TMEM170B: variants seen among roughly 807,000 people sequenced by gnomAD.
TMEM170B encodes transmembrane protein 170B.
In TMEM170B, 6 loss-of-function variants were observed where a neutral mutation model predicts 13.0. That is an observed-to-expected ratio of 0.46 (90% CI 0.25 to 0.91). TMEM170B has a LOEUF of 0.91. Ranked by LOEUF, TMEM170B falls within the 40% of genes least tolerant of loss-of-function variation. TMEM170B has a pLI of 0.17. For synonymous variants in TMEM170B, 61 were observed against 64.9 expected, an observed-to-expected ratio of 0.94 and a Z score of 0.29; for missense variants, 138 against 165.2, an observed-to-expected ratio of 0.84 and a Z score of 0.90.
intron 2 of TMEM170B, among the ~76,000 whole-genome samples, chr6:11,573,048 A>T (rs1249861428): frequency 6.6e-6 from 1 of 152,208 alleles, no homozygotes; most frequent in East Asian, 1.9e-4. Flanking sequence ...GTGTGTGTTT[A>T]TGCATGTATA....
At chr6:11,546,668 T>TA (rs1759445402) in intron 1 of TMEM170B, among the ~76,000 whole-genome samples, 1 of 152,240 alleles carries the variant, frequency 6.6e-6, no homozygotes, top group Admixed American at 6.5e-5. Context: ...CCCATTGTGT[T>TA]ACAATTGCCT....
In TMEM170B at chr6:11,575,873, T is replaced by C; in HGVS notation, c.*312T>C. ...GTTGAAATCATCGTTCCTAACAGTG[T>C]TATGTTAAGTTACAGGGACGTTTTG... is the stretch of plus-strand genomic sequence containing the variant. On this transcript the variant is annotated 3_prime_UTR_variant, in exon 3 of 3. Coordinates refer to ENST00000379426, the MANE Select transcript of TMEM170B (RefSeq NM_001100829.3). This position sits in a 1 kb window ranked among gnomAD's most constrained non-coding sequence, Gnocchi z 4.1. 5.1e-6 allele frequency: 1 copy of C among 196,638 alleles called. No homozygotes were observed. Among genetic ancestry groups the C allele is most frequent in the East Asian group, 1.2e-4 (1 of 8,082 alleles). The allele number at this position is 196,638 out of a possible 1,614,324, so 12.2% of individuals were successfully genotyped here. A position where few individuals can be genotyped will look rare whatever the true frequency, so the allele number is the denominator to read the frequency against.
At position 11,565,782 on chromosome 6, in the gene TMEM170B, G is replaced by T; in HGVS notation, c.214G>T (p.Val72Phe). 1 of 1,614,146 alleles carries T rather than the reference G, an allele frequency of 6.2e-7. No homozygotes were observed. The highest frequency in any genetic ancestry group is 8.5e-7 in the Non-Finnish European group (1 of 1,180,012). Reference protein sequence around the residue: ...QRHRQGRVISVIAVSIGFLAS... With the variant: ...QRHRQGRVISFIAVSIGFLAS... The stretch of plus-strand genomic sequence containing the variant: ...GCATAGGCAGGGAAGAGTCATCTCT[G>T]TCATTGCAGTCAGCATTGGATTTCT... Residue 72 changes from valine to phenylalanine, a missense_variant, in exon 2 of 3, where the codon GTC (valine) becomes TTC (phenylalanine). Val to Phe is a conservative substitution (Grantham distance 50, BLOSUM62 -1). Coordinates refer to ENST00000379426, the MANE Select transcript of TMEM170B (RefSeq NM_001100829.3).
In TMEM170B at chr6:11,537,965, G is replaced by T. The variant is rs1230472120; in HGVS notation, c.-313G>T. On this transcript the variant is annotated 5_prime_UTR_variant, in exon 1 of 3. Coordinates refer to ENST00000379426, the MANE Select transcript of TMEM170B (RefSeq NM_001100829.3). The stretch of plus-strand genomic sequence containing the variant: ...GGCGCTGCCCCTGAGAGGGAGCGGC[G>T]GCGGCCTCCTCCGCCCCGAGTCCTC... 6.6e-6 allele frequency among the ~76,000 whole-genome samples: 1 copy of T among 151,402 alleles called. No homozygotes were observed. Among genetic ancestry groups the T allele is most frequent in the Non-Finnish European group, 1.5e-5 (1 of 67,728 alleles).
intron 1 of TMEM170B, among the ~76,000 whole-genome samples, chr6:11,562,173 A>G (rs937270860): frequency 6.6e-6 from 1 of 152,020 alleles, no homozygotes; most frequent in Non-Finnish European, 1.5e-5. Flanking sequence ...ATACACCCCC[A>G]TATTCTACTC....
intron 1 of TMEM170B, among the ~76,000 whole-genome samples, chr6:11,548,458 A>G (rs536596934): frequency 6.6e-6 from 1 of 152,202 alleles, no homozygotes; most frequent in Non-Finnish European, 1.5e-5. Flanking sequence ...AGAAATAGGA[A>G]CACTTTTACA....
intron 1 of TMEM170B, among the ~76,000 whole-genome samples, chr6:11,563,777 C>T (rs1759701789): frequency 6.6e-6 from 1 of 152,200 alleles, no homozygotes; most frequent in Non-Finnish European, 1.5e-5. Flanking sequence ...CCAGTCTGGG[C>T]AGCACAGGCA....
chr6:11,546,485 A>G (rs2113763835), intron 1 of TMEM170B, among the ~76,000 whole-genome samples: 1 of 152,354 alleles, frequency 6.6e-6, no homozygotes, highest in South Asian at 2.1e-4. Flanking sequence ...TATAAAGTCT[A>G]CAGCAGTGTA....
chr6:11,561,539 A>T (rs1561686197), intron 1 of TMEM170B, among the ~76,000 whole-genome samples: 1 of 152,168 alleles, frequency 6.6e-6, no homozygotes, highest in Non-Finnish European at 1.5e-5. Flanking sequence ...ATTGGGCCTT[A>T]GACTTTAAGT....
intron 2 of TMEM170B, among the ~76,000 whole-genome samples, chr6:11,574,517 C>A (rs1002847598): frequency 2.6e-5 from 4 of 152,094 alleles, no homozygotes; most frequent in African/African-American, 9.7e-5. Flanking sequence ...AACTTCTCGT[C>A]TTTGTCTTAT....
Position 11,566,744 on chromosome 6 carries a change from G to A in TMEM170B, c.268+908G>A, listed in dbSNP as rs556185941. 2.6e-5 allele frequency among the ~76,000 whole-genome samples: 4 copies of A among 152,318 alleles called. No homozygotes were observed. The South Asian group carries it at 8.3e-4, about 32-fold the overall frequency. Reference sequence around the variant, plus strand: ...CTTGCTGGCCCATTTCCAGTGTCTTGCACCCCTTTTCCTTCATTCTTCCTT... The same window carrying A: ...CTTGCTGGCCCATTTCCAGTGTCTTACACCCCTTTTCCTTCATTCTTCCTT... On this transcript the variant is annotated intron_variant, in intron 2 of 2. Coordinates refer to ENST00000379426, the MANE Select transcript of TMEM170B (RefSeq NM_001100829.3).
In TMEM170B at chr6:11,538,300, A is replaced by C; in HGVS notation, c.23A>C (p.His8Pro). 6.9e-7 allele frequency: 1 copy of C among 1,443,476 alleles called. No individual in the cohort carries two copies. The highest frequency in any genetic ancestry group is 9.1e-7 in the Non-Finnish European group (1 of 1,099,884). The allele number at this position is 1,443,476 out of a possible 1,614,324, so 89.4% of individuals were successfully genotyped here. A position where few individuals can be genotyped will look rare whatever the true frequency, so the allele number is the denominator to read the frequency against. Residue 8 changes from histidine to proline, a missense_variant, in exon 1 of 3, where the codon CAC becomes CCC. By Grantham distance (77) the His-to-Pro change is moderately conservative. Transcript: ENST00000379426. Reference protein sequence around the residue: MKAEGGDHSMINLSVQQV... With the variant: MKAEGGDPSMINLSVQQV... ...AAGATGAAGGCGGAGGGGGGCGACC[A>C]CTCCATGATCAACCTGTCGGTGCAG...
chr6:11,566,791 G>A (rs78781521), intron 2 of TMEM170B, among the ~76,000 whole-genome samples: 340 of 152,264 alleles, frequency 2.2e-3, no homozygotes, highest in African/African-American at 7.5e-3. Context: ...ACCCGCATGC[G>A]CGGTGTCCTC....
chr6:11,548,179 AC>A (rs1317639175), intron 1 of TMEM170B, among the ~76,000 whole-genome samples: 13 of 152,174 alleles, frequency 8.5e-5, no homozygotes, highest in African/African-American at 3.1e-4. Flanking sequence ...TTTGCAATCT[AC>A]CCATCTGACA....
At chr6:11,566,018 T>C (rs755791229) in intron 2 of TMEM170B, among the ~76,000 whole-genome samples, 182 bp downstream of exon 2, 2 of 152,180 alleles carry the variant, frequency 1.3e-5, no homozygotes, top group Admixed American at 6.5e-5. Flanking sequence ...GACAAGTCGT[T>C]GTAATTCTGC....
rs1759976104 is a variant in TMEM170B, at chr6:11,582,874, G to A, written c.*7313G>A. ...TCTGTTAAGACTATAAACTATATGA[G>A]TATGTGTACTGCATGTTTACATAAA... On this transcript the variant is annotated 3_prime_UTR_variant, in exon 3 of 3. Transcript: ENST00000379426. 1 of 152,134 alleles carries A rather than the reference G, an allele frequency of 6.6e-6. No homozygotes were observed. The highest frequency in any genetic ancestry group is 1.5e-5 in the Non-Finnish European group (1 of 68,002). 9.4% of individuals were successfully genotyped at this position (152,134 alleles called of 1,614,324 possible).
At chr6:11,572,156 T>G (rs577662737) in intron 2 of TMEM170B, among the ~76,000 whole-genome samples, 4 of 152,192 alleles carry the variant, frequency 2.6e-5, no homozygotes, top group Non-Finnish European at 5.9e-5. Flanking sequence ...GCAGTTCTGG[T>G]TTTACCCGTG....
At position 11,547,227 on chromosome 6, in the gene TMEM170B, TAAAA is replaced by T. The variant is rs558250874; in HGVS notation, c.97+8854_97+8857del. On this transcript the variant is annotated intron_variant, in intron 1 of 2. Coordinates refer to ENST00000379426, the MANE Select transcript of TMEM170B (RefSeq NM_001100829.3). The stretch of plus-strand genomic sequence containing the variant: ...TATTTAGTGTCAGTCAAAGAAAAAA[TAAAA>T]GAAAGTGAATATTTAGTATATATAT... Among the ~76,000 whole-genome samples, 382 of 152,170 alleles carry T rather than the reference TAAAA, an allele frequency of 2.5e-3. 1 individual carries two copies. Among genetic ancestry groups the T allele is most frequent in the African/African-American group, 7.7e-3 (318 of 41,526 alleles).
In TMEM170B at chr6:11,575,562, G is replaced by C. The variant is rs769702709; in HGVS notation, c.*1G>C. The C allele has an allele frequency of 6.2e-7, 1 of 1,612,634 alleles. No homozygotes were observed. The highest frequency in any genetic ancestry group is 8.5e-7 in the Non-Finnish European group (1 of 1,179,182). ...TTCAAGGATCCTCGCTACACTTTGA[G>C]GTTTCTGTGGGAATGTCTTACTTCA... On this transcript the variant is annotated 3_prime_UTR_variant, in exon 3 of 3. Transcript: ENST00000379426. The surrounding 1 kb of genome is among the most constrained non-coding windows in gnomAD (Gnocchi z 4.1).
Sources: gnomAD v4.1 joint callset for allele counts (sites outside exome capture counted in the v4.1 genomes callset) on GRCh38, gnomAD v4.1.1 for gene constraint, Gnocchi (gnomAD v3.1) non-coding constraint, MANE v1.5 for transcripts, NCBI Gene and HGNC (gene_info 2026-07-23, HGNC 2026-07-21) for gene names.